Variants in KSR1 observed in about 807,000 individuals in gnomAD.
KSR1 encodes the protein kinase suppressor of ras.
In KSR1, 35 loss-of-function variants were observed where a neutral mutation model predicts 92.9. That is an observed-to-expected ratio of 0.38 (90% CI 0.29 to 0.50). The LOEUF (loss-of-function observed/expected upper bound fraction) is 0.50. Ranked by LOEUF, KSR1 falls within the 20% of genes least tolerant of loss-of-function variation. KSR1 has a pLI of 0.94. For synonymous variants in KSR1, 467 were observed against 472.6 expected (o/e 0.99, Z 0.15); for missense variants, 972 against 1,158.5 (o/e 0.84, Z 2.34).
In KSR1 at chr17:27,559,466, G is replaced by A. The variant is rs2071735048; in HGVS notation, c.372+8758G>A. Among the ~76,000 whole-genome samples the A allele has an allele frequency of 6.6e-6, 1 of 152,238 alleles. No individual in the cohort carries two copies. On this transcript the variant is annotated intron_variant, in intron 2 of 20. Transcript: ENST00000644974. The surrounding 1 kb of genome is among the most constrained non-coding windows in gnomAD (Gnocchi z 4.2). ...CAGCCCTTAGCCATATGTGGCTTGGGGACACTTGAAATGTGTATAGTGCAG... is the reference window on the plus strand; with the variant it reads ...CAGCCCTTAGCCATATGTGGCTTGGAGACACTTGAAATGTGTATAGTGCAG...
At chr17:27,536,959 G>A in intron 1 of KSR1, among the ~76,000 whole-genome samples, 1 of 152,254 alleles carries the variant, frequency 6.6e-6, no homozygotes, top group East Asian at 1.9e-4. Flanking sequence ...TCAATCTGCT[G>A]TGGTTGTCTA....
In KSR1 at chr17:27,559,087, G is replaced by C. The variant is rs1487505579; in HGVS notation, c.372+8379G>C. 1.3e-5 allele frequency among the ~76,000 whole-genome samples: 2 copies of C among 152,202 alleles called. No homozygotes were observed. Among genetic ancestry groups the C allele is most frequent in the African/African-American group, 4.8e-5 (2 of 41,452 alleles). ...CATTTCAGATTTTGTCTTTTGGTTGGATAGTGTTTGCGGTCTTAAAGTTTC... is the reference window on the plus strand; with the variant it reads ...CATTTCAGATTTTGTCTTTTGGTTGCATAGTGTTTGCGGTCTTAAAGTTTC... On this transcript the variant is annotated intron_variant, in intron 2 of 20. Transcript: ENST00000644974. The surrounding 1 kb of genome is among the most constrained non-coding windows in gnomAD (Gnocchi z 4.2).
intron 1 of KSR1, among the ~76,000 whole-genome samples, chr17:27,467,484 C>T (rs1157609612): frequency 6.6e-6 from 1 of 152,214 alleles, no homozygotes; most frequent in Non-Finnish European, 1.5e-5. Flanking sequence ...AGAGCGATTA[C>T]TTAATATCCC....
rs548334626 is a variant in KSR1 at position 27,597,919 on chromosome 17, G to A, written c.1468+483G>A. Reference sequence around the variant, plus strand: ...AGGAGACCTCTCGTTCCCTTTATAAGATAGGTGACCATGTAAAGTTGGAAT... The same window carrying A: ...AGGAGACCTCTCGTTCCCTTTATAAAATAGGTGACCATGTAAAGTTGGAAT... On this transcript the variant is annotated intron_variant, in intron 10 of 20. Coordinates refer to ENST00000644974, the MANE Select transcript of KSR1 (RefSeq NM_001394583.1). Among the ~76,000 whole-genome samples the A allele has an allele frequency of 2.0e-4, 30 of 152,316 alleles. No individual in the cohort carries two copies. The South Asian group carries it at 2.5e-3, about 13-fold the overall frequency.
intron 20 of KSR1, 54 bp from the exon 21 acceptor site, chr17:27,623,260 A>C: frequency 1.4e-6 from 1 of 738,636 alleles, no homozygotes; most frequent in Non-Finnish European, 2.5e-6. Context: ...GTGTTACCCT[A>C]ATTCTGATGA....
Position 27,582,758 on chromosome 17 carries a change from G to T in KSR1, c.633G>T (p.Gly211=). Residue 211 remains glycine, a synonymous_variant, in exon 4 of 21, where the codon GGG becomes GGT. Transcript: ENST00000644974. ...LSAASLPWPP[G]SSQLGRAGNS... is the part of the protein sequence containing the mutation. ...CAGCCAGCCTGCCCTGGCCCCCAGG[G>T]AGCTCCCAGCTGGGCAGAGCAGGCA... 1.2e-6 allele frequency: 2 copies of T among 1,613,820 alleles called. No homozygotes were observed. The highest frequency in any genetic ancestry group is 1.7e-6 in the Non-Finnish European group (2 of 1,179,820).
chr17:27,544,984 T>A (rs2071108757), intron 1 of KSR1, among the ~76,000 whole-genome samples: 1 of 152,242 alleles, frequency 6.6e-6, no homozygotes, highest in Non-Finnish European at 1.5e-5. Context: ...AACCCAAATC[T>A]GTAGAGGTTG....
At chr17:27,544,428 T>C (rs542541863) in intron 1 of KSR1, among the ~76,000 whole-genome samples, 1 of 152,364 alleles carries the variant, frequency 6.6e-6, no homozygotes, top group Admixed American at 6.5e-5. Context: ...ATTTTAGATG[T>C]TAGAGCTGGG....
At chr17:27,601,537 G>A in intron 11 of KSR1, 136 bp downstream of exon 11, 1 of 734,160 alleles carries the variant, frequency 1.4e-6, no homozygotes, top group Non-Finnish European at 2.3e-6. Context: ...AGAGCTGACT[G>A]CCCATAGAGG....
chr17:27,526,046 C>CTTTTTTTTTCTTTTCTT (rs1555576231), intron 1 of KSR1, among the ~76,000 whole-genome samples: 1 of 60,546 alleles, frequency 1.7e-5, no homozygotes, highest in Non-Finnish European at 3.2e-5. Flanking sequence ...TCTTTTCTTT[C>CTTTTTTTTTCTTTTCTT]TCTCTCTCTC....
At chr17:27,590,692 A>G (rs1257745362) in intron 6 of KSR1, 119 bp from the exon 7 acceptor site, 3 of 868,378 alleles carry the variant, frequency 3.5e-6, no homozygotes, top group African/African-American at 1.7e-5. Context: ...GAGGGGGCCA[A>G]GGGGCTCTGG....
At chr17:27,578,114 CA>C in intron 3 of KSR1, 1 of 217,016 alleles carries the variant, frequency 4.6e-6, no homozygotes, top group Non-Finnish European at 9.5e-6. Flanking sequence ...CTGTCCCAGG[CA>C]AAGTGTGTAA....
chr17:27,585,606 C>T, intron 4 of KSR1, 51 bp from the exon 5 acceptor site: 1 of 738,312 alleles, frequency 1.4e-6, no homozygotes, highest in East Asian at 2.6e-5. Context: ...TAGGAACACG[C>T]CGAGCCAGCG....
Position 27,605,683 on chromosome 17 carries a change from G to A in KSR1, c.1864G>A (p.Asp622Asn). 6.2e-7 allele frequency: 1 copy of A among 1,612,832 alleles called. No individual in the cohort carries two copies. The highest frequency in any genetic ancestry group is 8.5e-7 in the Non-Finnish European group (1 of 1,179,856). The change falls in exon 14 of 21, where the codon GAC becomes AAC. Residue 622 changes from aspartate (D) to asparagine (N), a missense_variant. Coordinates refer to ENST00000644974, the MANE Select transcript of KSR1 (RefSeq NM_001394583.1). ...GGTGGCCATTCGCCTGCTGGAGATGGACGGCCACAACCAGGACCACCTGAA... is the reference window on the plus strand; with the variant it reads ...GGTGGCCATTCGCCTGCTGGAGATGAACGGCCACAACCAGGACCACCTGAA... The part of the protein sequence containing the change: ...GEVAIRLLEM[D>N]GHNQDHLKLF...
At chr17:27,538,755 A>G (rs2070844952) in intron 1 of KSR1, among the ~76,000 whole-genome samples, 1 of 152,202 alleles carries the variant, frequency 6.6e-6, no homozygotes, top group South Asian at 2.1e-4. Context: ...GGTGCTCCAC[A>G]GGGTGTGGCG....
At chr17:27,547,661 C>G (rs1188545243) in intron 1 of KSR1, among the ~76,000 whole-genome samples, 1 of 152,092 alleles carries the variant, frequency 6.6e-6, no homozygotes, top group Non-Finnish European at 1.5e-5. Flanking sequence ...CTCTGTCACC[C>G]AGGCTGAAGT....
intron 11 of KSR1, chr17:27,601,794 G>A (rs1053996800): frequency 1.2e-6 from 1 of 832,974 alleles, no homozygotes; most frequent in African/African-American, 1.7e-5. Context: ...ATGATGGGAG[G>A]ATATCTTATG....
intron 1 of KSR1, among the ~76,000 whole-genome samples, chr17:27,537,679 A>G (rs527563555): frequency 6.6e-6 from 1 of 152,328 alleles, no homozygotes; most frequent in South Asian, 2.1e-4. Flanking sequence ...AACAAGAACG[A>G]AACTCCATCT....
At chr17:27,601,813 C>T (rs2073569209) in intron 11 of KSR1, 1 of 998,546 alleles carries the variant, frequency 1.0e-6, no homozygotes, top group Non-Finnish European at 1.5e-6. Context: ...TGCACAATGT[C>T]TTAGAGAAGT....
Sources: gnomAD v4.1 joint callset for allele counts (sites outside exome capture counted in the v4.1 genomes callset) on GRCh38, gnomAD v4.1.1 for gene constraint, Gnocchi (gnomAD v3.1) non-coding constraint, MANE v1.5 for transcripts, NCBI Gene and HGNC (gene_info 2026-07-23, HGNC 2026-07-21) for gene names.